Variants in NECAB1 observed in about 807,000 individuals in gnomAD.
NECAB1 encodes the protein N-terminal EF-hand calcium binding protein 1.
A neutral mutation model predicts 57.5 loss-of-function variants in NECAB1; 29 were observed. The ratio of observed to expected loss-of-function variants is 0.50; its 90% CI spans 0.38 to 0.69. The LOEUF is 0.69. Ranked by LOEUF, NECAB1 falls within the 30% of genes least tolerant of loss-of-function variation. The pLI is 0.00. For synonymous variants in NECAB1, 142 were observed against 147.7 expected, an observed-to-expected ratio of 0.96 and a Z score of 0.28; for missense variants, 372 against 413.8, an observed-to-expected ratio of 0.90 and a Z score of 0.88.
rs1810476540 is a variant in NECAB1 at position 90,934,229 on chromosome 8, A to G, written c.694-75A>G. Reference sequence around the variant, plus strand: ...GTTCAATGTTAGCCATGAGAGAACTATGATTTGAATATATGGCATTGTTTT... The same window carrying G: ...GTTCAATGTTAGCCATGAGAGAACTGTGATTTGAATATATGGCATTGTTTT... On this transcript the variant is annotated intron_variant, in intron 8 of 12. Coordinates refer to ENST00000417640, the MANE Select transcript of NECAB1 (RefSeq NM_022351.5). 4.9e-6 allele frequency: 5 copies of G among 1,030,558 alleles called. No individual in the cohort carries two copies. The African/African-American group carries it at 6.7e-5, about 14-fold the overall frequency. 63.8% of individuals were successfully genotyped at this position (1,030,558 alleles called of 1,614,324 possible). A position where few individuals can be genotyped will look rare whatever the true frequency, so the allele number is the denominator to read the frequency against.
intron 8 of NECAB1, among the ~76,000 whole-genome samples, chr8:90,933,646 G>C (rs1265034300): frequency 1.3e-5 from 2 of 151,792 alleles, no homozygotes; most frequent in African/African-American, 4.8e-5. Context: ...TCAGGTGACG[G>C]GTGCACCAAC....
intron 3 of NECAB1, among the ~76,000 whole-genome samples, chr8:90,869,509 C>T (rs1808583670): frequency 6.6e-6 from 1 of 152,234 alleles, no homozygotes; most frequent in South Asian, 2.1e-4. Context: ...GAGGCCACCC[C>T]TCACATCAGT....
intron 9 of NECAB1, among the ~76,000 whole-genome samples, chr8:90,936,786 G>T (rs1810549640): frequency 1.3e-5 from 2 of 151,988 alleles, no homozygotes; most frequent in Admixed American, 1.3e-4. Flanking sequence ...TCCAGGAAAT[G>T]ATTTCTTTTT....
chr8:90,813,149 C>T (rs951426912), intron 2 of NECAB1: 2 of 152,058 alleles, frequency 1.3e-5, no homozygotes, highest in African/African-American at 4.8e-5. Context: ...GATCGTGCCA[C>T]TGCACTCCAA....
At chr8:90,939,422 A>G (rs909597150) in intron 9 of NECAB1, among the ~76,000 whole-genome samples, 7 of 152,228 alleles carry the variant, frequency 4.6e-5, no homozygotes, top group African/African-American at 1.7e-4. Context: ...GAGAGGAGCT[A>G]AAAAGTCAAA....
intron 2 of NECAB1, among the ~76,000 whole-genome samples, chr8:90,802,121 C>G (rs1038709017): frequency 7.9e-5 from 12 of 152,230 alleles, no homozygotes; most frequent in African/African-American, 2.2e-4. Context: ...GTCTGTATGA[C>G]ACGCAAGTCT....
In NECAB1 at chr8:90,958,845, T is replaced by C; in HGVS notation, c.*3333T>C. On this transcript the variant is annotated 3_prime_UTR_variant, in exon 13 of 13. Transcript: ENST00000417640. Reference sequence around the variant, plus strand: ...TGCAAAGCTGAAACTGATTAGAAAATTCTTTATATTTTAAAATAGCTCTTT... The same window carrying C: ...TGCAAAGCTGAAACTGATTAGAAAACTCTTTATATTTTAAAATAGCTCTTT... 2.2e-6 allele frequency: 1 copy of C among 459,620 alleles called. No homozygotes were observed. Among genetic ancestry groups the C allele is most frequent in the Non-Finnish European group, 3.5e-6 (1 of 285,008 alleles). The allele number at this position is 459,620 out of a possible 1,614,324, so 28.5% of individuals were successfully genotyped here.
intron 5 of NECAB1, among the ~76,000 whole-genome samples, chr8:90,902,468 A>C (rs900047357): frequency 5.9e-5 from 9 of 152,208 alleles, no homozygotes; most frequent in South Asian, 2.1e-4. Flanking sequence ...TACGTAGAAA[A>C]GGAGTCAATT....
chr8:90,945,177 C>T (rs1172397918), intron 10 of NECAB1, among the ~76,000 whole-genome samples: 1 of 152,200 alleles, frequency 6.6e-6, no homozygotes, highest in Non-Finnish European at 1.5e-5. Context: ...AAGCAATTCT[C>T]CTGCCTCGGC....
chr8:90,907,177 AGAGAGAGAGAG>A (rs1460968130), intron 5 of NECAB1, among the ~76,000 whole-genome samples: 2 of 147,006 alleles, frequency 1.4e-5, no homozygotes, highest in African/African-American at 2.7e-5. Context: ...AGAGAGAGAG[AGAGAGAGAGAG>A]AATTAGTAGA....
intron 9 of NECAB1, among the ~76,000 whole-genome samples, chr8:90,938,701 GGGTTGCAAAGTT>G (rs1388789746): frequency 1.3e-5 from 2 of 152,126 alleles, no homozygotes; most frequent in Admixed American, 1.3e-4. Context: ...CATCTGGTTT[GGGTTGCAAAGTT>G]GGAAATTGCA....
chr8:90,858,164 C>T (rs1043432421), intron 3 of NECAB1, among the ~76,000 whole-genome samples: 3 of 152,166 alleles, frequency 2.0e-5, no homozygotes, highest in Non-Finnish European at 2.9e-5. Context: ...TTTTTAACCA[C>T]TACTGCTCTG....
intron 4 of NECAB1, among the ~76,000 whole-genome samples, chr8:90,873,123 C>T (rs1808649114): frequency 6.6e-6 from 1 of 152,094 alleles, no homozygotes; most frequent in Non-Finnish European, 1.5e-5. Context: ...AATAACTGAA[C>T]AAAATGAGCA....
intron 10 of NECAB1, among the ~76,000 whole-genome samples, chr8:90,947,297 A>AACAC (rs1554578288): frequency 1.6e-4 from 6 of 36,990 alleles, no homozygotes; most frequent in Admixed American, 3.6e-4. Flanking sequence ...TTGGGCTAAC[A>AACAC]ACACATACAC....
intron 3 of NECAB1, among the ~76,000 whole-genome samples, chr8:90,826,710 T>G (rs780336350): frequency 6.6e-6 from 1 of 151,662 alleles, no homozygotes; most frequent in Non-Finnish European, 1.5e-5. Context: ...ACATTTAATT[T>G]ATATTAATAT....
At position 90,823,043 on chromosome 8, in the gene NECAB1, T is replaced by A. The variant is rs1812169668; in HGVS notation, c.125-1674T>A. ...ATCCATCAGGTTACATGGGGCTAAGTTTAAAATAGTCATATGAGGCATAAA... is the reference window on the plus strand; with the variant it reads ...ATCCATCAGGTTACATGGGGCTAAGATTAAAATAGTCATATGAGGCATAAA... On this transcript the variant is annotated intron_variant, in intron 2 of 12. Coordinates refer to ENST00000417640, the MANE Select transcript of NECAB1 (RefSeq NM_022351.5). 2.0e-5 allele frequency among the ~76,000 whole-genome samples: 3 copies of A among 151,772 alleles called. No homozygotes were observed. In the South Asian group the frequency reaches 6.2e-4, roughly 31 times the overall value.
At chr8:90,918,597 C>T (rs1810032648) in intron 6 of NECAB1, among the ~76,000 whole-genome samples, 2 of 152,222 alleles carry the variant, frequency 1.3e-5, no homozygotes, top group Middle Eastern at 3.4e-3. Flanking sequence ...TCTATTTGAG[C>T]TTGTCTTGCA....
At chr8:90,830,124 A>C (rs10095791) in intron 3 of NECAB1, among the ~76,000 whole-genome samples, 58,637 of 151,864 alleles carry the variant, frequency 0.39, 12,408 homozygotes, top group East Asian at 0.81. Context: ...TGGGCAGTAG[A>C]AAAAGAAGGA....
At chr8:90,856,215 T>C (rs1812791647) in intron 3 of NECAB1, among the ~76,000 whole-genome samples, 1 of 152,198 alleles carries the variant, frequency 6.6e-6, no homozygotes, top group African/African-American at 2.4e-5. Context: ...TTTCAAATTT[T>C]TTAAAGGGAG....
Sources: allele counts gnomAD v4.1 joint callset (sites outside exome capture counted in the v4.1 genomes callset), GRCh38; gene constraint gnomAD v4.1.1; transcripts MANE v1.5; gene names NCBI Gene and HGNC (gene_info 2026-07-23, HGNC 2026-07-21).